The following H1-4 variants were observed in gnomAD, a reference collection of about 807,000 sequenced individuals.
H1-4 encodes H1.4 linker histone, cluster member, also known as histone H1.4.
In H1-4, 9 loss-of-function variants were observed where a neutral mutation model predicts 7.2. The observed-to-expected ratio is 1.25, with a 90% CI of 0.75 to 2.18. The LOEUF (loss-of-function observed/expected upper bound fraction) is 2.18, where lower values mean the gene tolerates loss of function less well. Ranked by LOEUF, H1-4 falls within the 30% of genes most tolerant of loss-of-function variation. The pLI is 0.00. For missense variants in H1-4, 646 were observed against 287.9 expected (o/e 2.24, Z -9.00); for synonymous variants, 318 against 126.6 (o/e 2.51, Z -10.15).
chr6:26,156,479 C>A lies in H1-4; in HGVS notation c.89C>A (p.Ala30Glu). 6.2e-7 allele frequency: 1 copy of A among 1,613,308 alleles called. No homozygotes were observed. The highest frequency in any genetic ancestry group is 8.5e-7 in the Non-Finnish European group (1 of 1,179,858). Reference sequence around the variant, plus strand: ...AAGAAGGCCCGCAAGTCTGCAGGTGCGGCCAAGCGCAAAGCGTCTGGGCCC... The same window carrying A: ...AAGAAGGCCCGCAAGTCTGCAGGTGAGGCCAAGCGCAAAGCGTCTGGGCCC... ...VKKKARKSAG[A>E]AKRKASGPPV... Residue 30 changes from alanine to glutamate, a missense_variant, in exon 1 of 1, where the codon GCG becomes GAG. Ala to Glu is a moderately radical substitution (Grantham distance 107). Coordinates refer to ENST00000304218, the MANE Select transcript of H1-4 (RefSeq NM_005321.3).
rs150634482 is a variant in H1-4 at position 26,156,513 on chromosome 6, C to T, written c.123C>T (p.Ser41=). ...GCAAAGCGTCTGGGCCCCCGGTGTC[C>T]GAGCTCATTACTAAAGCTGTTGCCG... ...AKRKASGPPV[S]ELITKAVAAS... is the part of the protein sequence containing the mutation. The change falls in exon 1 of 1, where the codon TCC becomes TCT. Residue 41 remains serine (S), a synonymous_variant. Coordinates refer to ENST00000304218, the MANE Select transcript of H1-4 (RefSeq NM_005321.3). 5.4e-5 allele frequency: 87 copies of T among 1,613,884 alleles called. No homozygotes were observed. In the African/African-American group the frequency reaches 1.0e-3, roughly 19 times the overall value.
rs371530012 is a variant in H1-4, at chr6:26,156,411, C to G, written c.21C>G (p.Ala7=). Residue 7 remains alanine, a synonymous_variant, in exon 1 of 1, where the codon GCC becomes GCG. Coordinates refer to ENST00000304218, the MANE Select transcript of H1-4 (RefSeq NM_005321.3). ...TCAACATGTCCGAGACTGCGCCTGC[C>G]GCGCCCGCTGCTCCGGCCCCTGCCG... The part of the protein sequence containing the change: MSETAP[A]APAAPAPAEK... 3 of 1,589,008 alleles carry G rather than the reference C, an allele frequency of 1.9e-6. No individual in the cohort carries two copies. The highest frequency in any genetic ancestry group is 1.4e-5 in the African/African-American group (1 of 73,850).
rs761067215 is a variant in H1-4 at position 26,156,614 on chromosome 6, A to G, written c.224A>G (p.Lys75Arg). ...ALAAAGYDVEKNNSRIKLGLK... is the reference protein window; with the variant it reads ...ALAAAGYDVERNNSRIKLGLK... ...GCAGCCGCTGGCTATGACGTGGAGA[A>G]GAACAACAGCCGCATCAAGCTGGGT... The change falls in exon 1 of 1, where the codon AAG becomes AGG. Residue 75 changes from lysine to arginine, a missense_variant. By Grantham distance (26) the Lys-to-Arg change is conservative. Coordinates refer to ENST00000304218, the MANE Select transcript of H1-4 (RefSeq NM_005321.3). The G allele has an allele frequency of 4.3e-6, 7 of 1,614,272 alleles. No individual in the cohort carries two copies. In the Admixed American group the frequency reaches 5.0e-5, roughly 12 times the overall value.
At position 26,157,074 on chromosome 6, in the gene H1-4, A is replaced by C. The variant is rs202105688; in HGVS notation, c.*24A>C. 1.9e-6 allele frequency: 3 copies of C among 1,572,330 alleles called. No individual in the cohort carries two copies. The highest frequency in any genetic ancestry group is 2.6e-6 in the Non-Finnish European group (3 of 1,168,508). On this transcript the variant is annotated 3_prime_UTR_variant, in exon 1 of 1. Coordinates refer to ENST00000304218, the MANE Select transcript of H1-4 (RefSeq NM_005321.3). ...AGAAAGTTCCTTTGGCCAACTGCTT[A>C]GAAGCCCAACACAACCCAAAGGCTC...
rs374113105 is a variant in H1-4, at chr6:26,156,465, C to T, written c.75C>T (p.Arg25=). ...AGACTCCCGTGAAGAAGAAGGCCCG[C>T]AAGTCTGCAGGTGCGGCCAAGCGCA... is the stretch of plus-strand genomic sequence containing the variant. The part of the protein sequence containing the change: ...AEKTPVKKKA[R]KSAGAAKRKA... Residue 25 remains arginine (R), a synonymous_variant, in exon 1 of 1, where the codon CGC becomes CGT. Coordinates refer to ENST00000304218, the MANE Select transcript of H1-4 (RefSeq NM_005321.3). 6.2e-6 allele frequency: 10 copies of T among 1,612,820 alleles called. No homozygotes were observed. The highest frequency in any genetic ancestry group is 2.2e-5 in the South Asian group (2 of 91,060).
Sources: gnomAD v4.1 joint callset for allele counts on GRCh38, gnomAD v4.1.1 for gene constraint, MANE v1.5 for transcripts, NCBI Gene and HGNC (gene_info 2026-07-23, HGNC 2026-07-21) for gene names.